TLCD4: variants seen among roughly 807,000 people sequenced by gnomAD.
The protein encoded by TLCD4 is TLC domain-containing protein 4.
TLCD4 carries 7 observed loss-of-function variants against 24.2 expected under a neutral mutation model. That is an observed-to-expected ratio of 0.29 (90% CI 0.16 to 0.54). The LOEUF is 0.54. Ranked by LOEUF, TLCD4 falls within the 20% of genes least tolerant of loss-of-function variation. The probability of loss-of-function intolerance (pLI) is 0.95; values close to 1 mark genes in which losing one functional copy is unlikely to be tolerated. For synonymous variants in TLCD4, 103 were observed against 106.4 expected (o/e 0.97, Z 0.20); for missense variants, 259 against 313.9 (o/e 0.82, Z 1.32).
At chr1:95,136,711 C>T (rs1677052299) in intron 1 of TLCD4, among the ~76,000 whole-genome samples, 2 of 152,256 alleles carry the variant, frequency 1.3e-5, no homozygotes, top group African/African-American at 4.8e-5. Context: ...GAGAAACTTT[C>T]AGAACTTTGC....
At chr1:95,166,476 A>G (rs553421923) in intron 5 of TLCD4, among the ~76,000 whole-genome samples, 9 of 152,338 alleles carry the variant, frequency 5.9e-5, no homozygotes, top group Admixed American at 1.3e-4. Context: ...GTAGAAAGTA[A>G]CAACTACTTT....
chr1:95,197,425 T>C lies in TLCD4; in HGVS notation c.*5557T>C, dbSNP rs2101038321. The stretch of plus-strand genomic sequence containing the variant: ...CATGTTATACAAGGTTGACATATTT[T>C]GTCCTGAAATTTTTAGTTAACATTT... On this transcript the variant is annotated 3_prime_UTR_variant, in exon 7 of 7. Transcript: ENST00000370203. 1 of 152,306 alleles carries C rather than the reference T, an allele frequency of 6.6e-6. No homozygotes were observed. Among genetic ancestry groups the C allele is most frequent in the Middle Eastern group, 3.4e-3 (1 of 294 alleles). The allele number at this position is 152,306 out of a possible 1,614,324, so 9.4% of individuals were successfully genotyped here.
the TLCD4 span, among the ~76,000 whole-genome samples, chr1:95,103,835 A>G: frequency 9.8e-5 from 15 of 152,372 alleles, no homozygotes; most frequent in African/African-American, 3.6e-4. Context: ...TACAATGTGC[A>G]TTATTTGTTA....
chr1:95,099,067 A>AAAAAAAAAAAC, the TLCD4 span, among the ~76,000 whole-genome samples: 1 of 150,920 alleles, frequency 6.6e-6, no homozygotes, highest in Non-Finnish European at 1.5e-5. Flanking sequence ...AAAAAAAAAA[A>AAAAAAAAAAAC]AAAAAAAAGA....
chr1:95,099,307 T>C, the TLCD4 span, among the ~76,000 whole-genome samples: 2 of 152,052 alleles, frequency 1.3e-5, no homozygotes, highest in African/African-American at 4.8e-5. Context: ...ACAAACTAAA[T>C]AAGAACAACA....
chr1:95,136,782 T>C (rs1249633086), intron 1 of TLCD4, among the ~76,000 whole-genome samples: 1 of 152,164 alleles, frequency 6.6e-6, no homozygotes, highest in Non-Finnish European at 1.5e-5. Context: ...TGGTCAGTTA[T>C]TTGTGGAGGT....
chr1:95,116,792 G>T (rs79980300), upstream of TLCD4, among the ~76,000 whole-genome samples: 1,278 of 152,234 alleles, frequency 8.4e-3, 15 homozygotes, highest in African/African-American at 0.03. Flanking sequence ...GTGTAGTGCT[G>T]GTGCACCCAT....
At position 95,118,299 on chromosome 1, in the gene TLCD4, G is replaced by A. The variant is rs1270435503; in HGVS notation, c.-12+682G>A. Among the ~76,000 whole-genome samples the A allele has an allele frequency of 2.6e-5, 4 of 152,296 alleles. 1 individual carries two copies. Among genetic ancestry groups the A allele is most frequent in the South Asian group, 4.1e-4 (2 of 4,824 alleles). On this transcript the variant is annotated intron_variant, in intron 1 of 6. Coordinates refer to ENST00000370203, the MANE Select transcript of TLCD4 (RefSeq NM_152487.3). ...GCCTCGGTTTACCCAGCCATGAAAT[G>A]GGATTCGTAATGCCAGCAGTTTCCT...
intron 5 of TLCD4, among the ~76,000 whole-genome samples, chr1:95,168,554 CTTTTTTTTTTTTTT>C (rs34574043): frequency 2.0e-5 from 1 of 51,156 alleles, no homozygotes; most frequent in Non-Finnish European, 3.5e-5. Flanking sequence ...TGTGAGTGAG[CTTTTTTTTTTTTTT>C]TTTTTTTTTT....
intron 6 of TLCD4, among the ~76,000 whole-genome samples, chr1:95,181,513 T>G (rs891675741): frequency 1.3e-5 from 2 of 152,108 alleles, no homozygotes; most frequent in Non-Finnish European, 2.9e-5. Context: ...TCAATGAACT[T>G]TTCATACTCT....
At chr1:95,125,467 A>G (rs1310838548) in intron 1 of TLCD4, 2 of 152,242 alleles carry the variant, frequency 1.3e-5, no homozygotes, top group Admixed American at 1.3e-4. Context: ...AAGAGCTTAG[A>G]AAGGAAACCA....
At chr1:95,167,135 TGTCA>T (rs1263698314) in intron 5 of TLCD4, among the ~76,000 whole-genome samples, 7 of 151,946 alleles carry the variant, frequency 4.6e-5, no homozygotes, top group African/African-American at 1.7e-4. Flanking sequence ...TTTATTCTCA[TGTCA>T]GTCTTGCTAT....
rs566766943 is a variant in TLCD4 at position 95,193,208 on chromosome 1, G to A, written c.*1340G>A. 4 of 151,700 alleles carry A rather than the reference G, an allele frequency of 2.6e-5. No homozygotes were observed. The highest frequency in any genetic ancestry group is 9.7e-5 in the African/African-American group (4 of 41,298). 9.4% of individuals were successfully genotyped at this position (151,700 alleles called of 1,614,324 possible). ...CCGTGCTTACTTAGTTGGCATTTTA[G>A]TGCTTTGAATTTCTATCTTAAAGCA... On this transcript the variant is annotated 3_prime_UTR_variant, in exon 7 of 7. Coordinates refer to ENST00000370203, the MANE Select transcript of TLCD4 (RefSeq NM_152487.3).
At chr1:95,173,112 G>T (rs1678284636) in intron 5 of TLCD4, among the ~76,000 whole-genome samples, 3 of 152,108 alleles carry the variant, frequency 2.0e-5, no homozygotes. Context: ...ATATTTTTCA[G>T]AACAAACATG....
At chr1:95,150,118 A>G in intron 3 of TLCD4, 90 bp from the exon 4 acceptor site, 4 of 1,460,874 alleles carry the variant, frequency 2.7e-6, no homozygotes, top group Non-Finnish European at 3.6e-6. Flanking sequence ...ATAGAAAGCA[A>G]TTTTATTATA....
intron 5 of TLCD4, among the ~76,000 whole-genome samples, chr1:95,169,124 C>T (rs1409566425): frequency 6.6e-6 from 1 of 152,220 alleles, no homozygotes; most frequent in African/African-American, 2.4e-5. Flanking sequence ...GCACTTCTCT[C>T]ACTTTAACGT....
At chr1:95,095,818 A>G in the TLCD4 span, among the ~76,000 whole-genome samples, 1 of 152,248 alleles carries the variant, frequency 6.6e-6, no homozygotes, top group Non-Finnish European at 1.5e-5. Flanking sequence ...GCCACATGGA[A>G]TATTCACACC....
At chr1:95,132,330 G>A (rs566122532) in intron 1 of TLCD4, among the ~76,000 whole-genome samples, 6 of 151,990 alleles carry the variant, frequency 3.9e-5, no homozygotes, top group South Asian at 4.2e-4. Flanking sequence ...GGTGGCACAC[G>A]TCTGTAATCC....
In TLCD4 at chr1:95,195,231, G is replaced by A. The variant is rs1679158392; in HGVS notation, c.*3363G>A. On this transcript the variant is annotated 3_prime_UTR_variant, in exon 7 of 7. Coordinates refer to ENST00000370203, the MANE Select transcript of TLCD4 (RefSeq NM_152487.3). ...GAATGGTTCTTCACTGGTGTAGAGA[G>A]CCAGGTTTACTGTTGGTTGCACCAT... 6.6e-6 allele frequency: 1 copy of A among 152,086 alleles called. No individual in the cohort carries two copies. The highest frequency in any genetic ancestry group is 1.5e-5 in the Non-Finnish European group (1 of 68,016). The allele number at this position is 152,086 out of a possible 1,614,324, so 9.4% of individuals were successfully genotyped here. A position where few individuals can be genotyped will look rare whatever the true frequency, so the allele number is the denominator to read the frequency against.
Sources: allele counts gnomAD v4.1 joint callset (sites outside exome capture counted in the v4.1 genomes callset), GRCh38; gene constraint gnomAD v4.1.1; transcripts MANE v1.5; gene names NCBI Gene and HGNC (gene_info 2026-07-23, HGNC 2026-07-21).